The following LDLRAD4 variants were observed in gnomAD, a reference collection of about 807,000 sequenced individuals.
The protein encoded by LDLRAD4 is low density lipoprotein receptor class A domain containing 4.
In LDLRAD4, 5 loss-of-function variants were observed where a neutral mutation model predicts 17.0. That is an observed-to-expected ratio of 0.29 (90% CI 0.15 to 0.62). LDLRAD4 has a LOEUF of 0.62. LDLRAD4 is among the 20% of genes least tolerant of loss of function. The pLI is 0.84. For synonymous variants in LDLRAD4, 168 were observed against 171.8 expected (o/e 0.98, Z 0.17); for missense variants, 340 against 424.7 (o/e 0.80, Z 1.75).
At chr18:13,602,203 C>T (rs920589656) in intron 3 of LDLRAD4, among the ~76,000 whole-genome samples, 2 of 152,150 alleles carry the variant, frequency 1.3e-5, no homozygotes, top group African/African-American at 2.4e-5. Context: ...AACTTCCTAT[C>T]GGGTATTATG....
At chr18:13,475,166 C>T (rs148302195) in intron 3 of LDLRAD4, among the ~76,000 whole-genome samples, 101 of 152,344 alleles carry the variant, frequency 6.6e-4, no homozygotes, top group African/African-American at 2.4e-3. Flanking sequence ...CTGTGCTTGG[C>T]ACTTTCCTCA....
At chr18:13,427,507 A>G (rs2090031898) in intron 2 of LDLRAD4, 1 of 152,580 alleles carries the variant, frequency 6.6e-6, no homozygotes, top group South Asian at 2.1e-4. Flanking sequence ...ACTCACACCC[A>G]GTTCTCAGGG....
At chr18:13,356,524 G>C (rs2083352560) in intron 1 of LDLRAD4, among the ~76,000 whole-genome samples, 1 of 152,180 alleles carries the variant, frequency 6.6e-6, no homozygotes, top group Non-Finnish European at 1.5e-5. Flanking sequence ...AAATTTAAAA[G>C]ATTTTCCCAT....
intron 3 of LDLRAD4, among the ~76,000 whole-genome samples, chr18:13,556,782 G>T (rs1168175720): frequency 6.6e-6 from 1 of 152,184 alleles, no homozygotes; most frequent in African/African-American, 2.4e-5. Context: ...TCAAGGGTAT[G>T]TAGTTTAAAC....
intron 3 of LDLRAD4, among the ~76,000 whole-genome samples, chr18:13,590,825 G>T (rs1555757602): frequency 1.3e-5 from 2 of 152,168 alleles, no homozygotes; most frequent in Admixed American, 6.5e-5. Flanking sequence ...AGCATCTTAT[G>T]TGCAAAAGTA....
At chr18:13,344,648 A>G (rs2082575664) in intron 1 of LDLRAD4, among the ~76,000 whole-genome samples, 1 of 152,184 alleles carries the variant, frequency 6.6e-6, no homozygotes, top group South Asian at 2.1e-4. Context: ...TGGGGATGGC[A>G]TTGAATCTCT....
At chr18:13,448,250 A>G (rs2091556105) in intron 3 of LDLRAD4, among the ~76,000 whole-genome samples, 2 of 152,112 alleles carry the variant, frequency 1.3e-5, no homozygotes, top group Non-Finnish European at 2.9e-5. Flanking sequence ...CCGCGGGGTG[A>G]CCTGCGTTAA....
chr18:13,377,434 A>G (rs1235850588), intron 1 of LDLRAD4, among the ~76,000 whole-genome samples: 3 of 152,142 alleles, frequency 2.0e-5, no homozygotes, highest in Admixed American at 6.5e-5. Context: ...TAGCTCTTAG[A>G]TGAGTGCCCG....
chr18:13,412,840 C>T (rs941284431), intron 2 of LDLRAD4, among the ~76,000 whole-genome samples: 37 of 152,212 alleles, frequency 2.4e-4, no homozygotes, highest in South Asian at 2.1e-4. Context: ...CCAATTTGTA[C>T]ATGATCTTAT....
chr18:13,248,069 T>C (rs569539473), intron 1 of LDLRAD4, among the ~76,000 whole-genome samples: 38 of 151,420 alleles, frequency 2.5e-4, no homozygotes, highest in Non-Finnish European at 4.9e-4. Flanking sequence ...CAAGCGATTC[T>C]ACTGCCTCAG....
chr18:13,509,340 T>A (rs1051210460), intron 3 of LDLRAD4, among the ~76,000 whole-genome samples: 2 of 152,082 alleles, frequency 1.3e-5, no homozygotes, highest in Non-Finnish European at 2.9e-5. Flanking sequence ...ACACAACAGG[T>A]ATTTGGAAGA....
intron 4 of LDLRAD4, chr18:13,642,758 G>C (rs894306513): frequency 8.1e-7 from 1 of 1,230,120 alleles, no homozygotes; most frequent in Non-Finnish European, 1.0e-6. Context: ...AAGCACACAG[G>C]TGTAGAGAGT....
intron 3 of LDLRAD4, among the ~76,000 whole-genome samples, chr18:13,541,275 C>T (rs563845926): frequency 1.2e-4 from 18 of 152,196 alleles, no homozygotes; most frequent in Admixed American, 9.2e-4. Context: ...CAGTGAAATG[C>T]GTGGTCCACT....
intron 2 of LDLRAD4, among the ~76,000 whole-genome samples, chr18:13,433,095 T>C (rs1485135290): frequency 2.0e-5 from 3 of 152,212 alleles, no homozygotes; most frequent in African/African-American, 7.2e-5. Flanking sequence ...TAAAACATTG[T>C]TGTCACCTCT....
In LDLRAD4 at chr18:13,457,994, C is replaced by T. The variant is rs1600471972; in HGVS notation, c.181+19610C>T. Among the ~76,000 whole-genome samples the T allele has an allele frequency of 2.0e-5, 3 of 152,182 alleles. No homozygotes were observed. The South Asian group carries it at 6.2e-4, about 31-fold the overall frequency. ...CTTGGAAAATGATGTATCCCAGCACCATGGTGGTGGTCATTCATACGTGTT... is the reference window on the plus strand; with the variant it reads ...CTTGGAAAATGATGTATCCCAGCACTATGGTGGTGGTCATTCATACGTGTT... On this transcript the variant is annotated intron_variant, in intron 3 of 5. Transcript: ENST00000359446.
At chr18:13,535,570 T>C (rs1428396403) in intron 3 of LDLRAD4, among the ~76,000 whole-genome samples, 1 of 152,250 alleles carries the variant, frequency 6.6e-6, no homozygotes, top group Non-Finnish European at 1.5e-5. Context: ...TTTTGTTAGA[T>C]ATATATTTTC....
At chr18:13,259,326 C>G (rs1202313682) in intron 1 of LDLRAD4, among the ~76,000 whole-genome samples, 1 of 152,140 alleles carries the variant, frequency 6.6e-6, no homozygotes, top group Non-Finnish European at 1.5e-5. Context: ...AGACACACAC[C>G]ACCATGCCTG....
chr18:13,466,509 A>G (rs1488394312), intron 3 of LDLRAD4, among the ~76,000 whole-genome samples: 2 of 151,536 alleles, frequency 1.3e-5, no homozygotes, highest in Admixed American at 6.6e-5. Flanking sequence ...ACAATATAAT[A>G]TACCACATTT....
chr18:13,307,427 AT>A (rs202111631), intron 1 of LDLRAD4, among the ~76,000 whole-genome samples: 1 of 151,982 alleles, frequency 6.6e-6, no homozygotes, highest in Admixed American at 6.6e-5. Context: ...TTAAAAAAAA[AT>A]TTTTTAAGAG....
Sources: allele counts gnomAD v4.1 joint callset (sites outside exome capture counted in the v4.1 genomes callset), GRCh38; gene constraint gnomAD v4.1.1; transcripts MANE v1.5; gene names NCBI Gene and HGNC (gene_info 2026-07-23, HGNC 2026-07-21).